Variants in PLSCR4 observed in about 807,000 individuals in gnomAD.
PLSCR4 encodes the protein phospholipid scramblase 4.
In PLSCR4, 25 loss-of-function variants were observed where a neutral mutation model predicts 36.3. The ratio of observed to expected loss-of-function variants is 0.69; its 90% CI spans 0.50 to 0.96. PLSCR4 has a LOEUF of 0.96. Among genes scored for constraint, PLSCR4 ranks in the 40% least tolerant of loss-of-function variants. The pLI is 0.00. For synonymous variants in PLSCR4, 122 were observed against 132.9 expected (o/e 0.92, Z 0.56); for missense variants, 408 against 414.7 (o/e 0.98, Z 0.14).
intron 1 of PLSCR4, among the ~76,000 whole-genome samples, chr3:146,240,189 A>T (rs2036092339): frequency 6.6e-6 from 1 of 152,244 alleles, no homozygotes; most frequent in Admixed American, 6.5e-5. Context: ...AAAAATAAAG[A>T]CATCTCAATT....
At chr3:146,239,023 C>T (rs1227375852) in intron 1 of PLSCR4, among the ~76,000 whole-genome samples, 1 of 151,860 alleles carries the variant, frequency 6.6e-6, no homozygotes, top group Non-Finnish European at 1.5e-5. Flanking sequence ...TAATAAAACA[C>T]CTAGAAATAA....
intron 3 of PLSCR4, among the ~76,000 whole-genome samples, chr3:146,220,404 A>G (rs966762689): frequency 6.6e-6 from 1 of 152,132 alleles, no homozygotes; most frequent in Admixed American, 6.5e-5. Context: ...ATGACCCTGT[A>G]CTTACGGACA....
chr3:146,207,778 T>A (rs1474358903), intron 3 of PLSCR4, among the ~76,000 whole-genome samples: 1 of 152,158 alleles, frequency 6.6e-6, no homozygotes, highest in Non-Finnish European at 1.5e-5. Flanking sequence ...AGAGATCTGA[T>A]GAATTATCTT....
intron 7 of PLSCR4, 26 bp from the exon 8 acceptor site, chr3:146,195,308 T>C (rs1330918428): frequency 2.5e-6 from 4 of 1,596,046 alleles, no homozygotes; most frequent in South Asian, 1.1e-5. Flanking sequence ...TGTGCCTTTA[T>C]GATGATTGAA....
intron 3 of PLSCR4, among the ~76,000 whole-genome samples, chr3:146,210,470 T>C (rs1477889205): frequency 3.9e-5 from 6 of 152,084 alleles, no homozygotes; most frequent in Admixed American, 6.6e-5. Context: ...CAACATATTG[T>C]TTCTTAAATT....
At chr3:146,216,110 A>AT (rs2034881462) in intron 3 of PLSCR4, among the ~76,000 whole-genome samples, 1 of 152,122 alleles carries the variant, frequency 6.6e-6, no homozygotes, top group South Asian at 2.1e-4. Flanking sequence ...CATGCCTGTA[A>AT]TCCCAGCTAC....
intron 1 of PLSCR4, among the ~76,000 whole-genome samples, chr3:146,234,184 C>G (rs2035826314): frequency 6.6e-6 from 1 of 152,042 alleles, no homozygotes; most frequent in African/African-American, 2.4e-5. Flanking sequence ...AAAGTACAAT[C>G]AAACCAGAGT....
At chr3:146,207,135 T>A (rs2034379965) in intron 3 of PLSCR4, among the ~76,000 whole-genome samples, 1 of 152,156 alleles carries the variant, frequency 6.6e-6, no homozygotes, top group Non-Finnish European at 1.5e-5. Context: ...ATTACTAACG[T>A]ATAATTACTA....
chr3:146,236,774 A>ACTGG (rs150557737), intron 1 of PLSCR4, among the ~76,000 whole-genome samples: 2,550 of 152,268 alleles, frequency 0.017, 75 homozygotes, highest in African/African-American at 0.058. Flanking sequence ...GTGAAAATGG[A>ACTGG]CTAATACAGA....
intron 1 of PLSCR4, among the ~76,000 whole-genome samples, chr3:146,238,557 G>T (rs564919054): frequency 6.6e-6 from 1 of 152,038 alleles, no homozygotes; most frequent in East Asian, 1.9e-4. Flanking sequence ...AATCTCAATA[G>T]ATGACAGAAA....
chr3:146,233,149 G>A (rs2035786101), intron 1 of PLSCR4, among the ~76,000 whole-genome samples: 1 of 151,826 alleles, frequency 6.6e-6, no homozygotes, highest in Non-Finnish European at 1.5e-5. Context: ...TACAAATTTT[G>A]TCATTTTTGC....
intron 1 of PLSCR4, among the ~76,000 whole-genome samples, chr3:146,237,014 AG>A (rs1559926157): frequency 6.6e-6 from 1 of 152,166 alleles, no homozygotes; most frequent in Non-Finnish European, 1.5e-5. Flanking sequence ...TCCAATCAAA[AG>A]GTAGAGACTG....
rs566304739 is a variant in PLSCR4, at chr3:146,222,275, TGA to T, written c.-21-185_-21-184del. ...ATGTACGAGGCACTAATACAGATGT[TGA>T]GAGTACAGCAATGAAGCAGACAGAC... is the stretch of plus-strand genomic sequence containing the variant. On this transcript the variant is annotated intron_variant, in intron 1 of 8. Transcript: ENST00000354952. The T allele has an allele frequency of 8.5e-4, 281 of 331,382 alleles. 4 individuals carry two copies. In the Middle Eastern group the frequency reaches 0.012, roughly 14 times the overall value. The allele number at this position is 331,382 out of a possible 1,614,324, so 20.5% of individuals were successfully genotyped here.
At chr3:146,239,043 A>G (rs988649906) in intron 1 of PLSCR4, among the ~76,000 whole-genome samples, 4 of 152,176 alleles carry the variant, frequency 2.6e-5, no homozygotes, top group African/African-American at 9.6e-5. Context: ...AATTTAATTA[A>G]AAAGTGCAAG....
chr3:146,234,620 G>A (rs1478128938), intron 1 of PLSCR4, among the ~76,000 whole-genome samples: 1 of 152,082 alleles, frequency 6.6e-6, no homozygotes, highest in East Asian at 1.9e-4. Context: ...GAGATGAAAA[G>A]GGTAAATAAA....
chr3:146,197,326 C>A (rs2033799971), intron 6 of PLSCR4, among the ~76,000 whole-genome samples: 1 of 152,080 alleles, frequency 6.6e-6, no homozygotes, highest in Admixed American at 6.6e-5. Flanking sequence ...TGGGCTTCTC[C>A]AAGTCAACCT....
At chr3:146,210,947 G>T (rs2034586856) in intron 3 of PLSCR4, among the ~76,000 whole-genome samples, 1 of 151,724 alleles carries the variant, frequency 6.6e-6, no homozygotes, top group African/African-American at 2.4e-5. Flanking sequence ...TCTATTGTGT[G>T]GATATATCAC....
chr3:146,207,453 G>T (rs2034400322), intron 3 of PLSCR4, among the ~76,000 whole-genome samples: 1 of 152,062 alleles, frequency 6.6e-6, no homozygotes, highest in Non-Finnish European at 1.5e-5. Flanking sequence ...GAAGTTCAAA[G>T]ATAAATGTTA....
At chr3:146,196,854 A>T in intron 6 of PLSCR4, 61 bp from the exon 7 acceptor site, 2 of 1,391,932 alleles carry the variant, frequency 1.4e-6, no homozygotes, top group Non-Finnish European at 2.0e-6. Flanking sequence ...ACTTACACAT[A>T]CGCACATACA....
Sources: allele counts gnomAD v4.1 joint callset (sites outside exome capture counted in the v4.1 genomes callset), GRCh38; gene constraint gnomAD v4.1.1; transcripts MANE v1.5; gene names NCBI Gene and HGNC (gene_info 2026-07-23, HGNC 2026-07-21).